Variants in STON1 observed in about 807,000 individuals in gnomAD.
STON1 encodes the protein stonin-1.
STON1 carries 79 observed loss-of-function variants against 60.9 expected under a neutral mutation model. The ratio of observed to expected loss-of-function variants is 1.30; its 90% CI spans 1.08 to 1.56. STON1 has a LOEUF of 1.56. Ranked by LOEUF, STON1 falls within the 40% of genes most tolerant of loss-of-function variation. The probability of loss-of-function intolerance (pLI) is 0.00; values close to 1 mark genes in which losing one functional copy is unlikely to be tolerated. For missense variants in STON1, 1,166 were observed against 858.9 expected (o/e 1.36, Z -4.47); for synonymous variants, 363 against 306.9 (o/e 1.18, Z -1.91).
intron 3 of STON1, among the ~76,000 whole-genome samples, 168 bp from the exon 4 acceptor site, chr2:48,595,060 G>C (rs1318571613): frequency 6.6e-6 from 1 of 152,176 alleles, no homozygotes; most frequent in Non-Finnish European, 1.5e-5. Flanking sequence ...TTCAAAAGGA[G>C]AGCAGAGCGC....
chr2:48,559,562 TG>T (rs1429876334), intron 1 of STON1, among the ~76,000 whole-genome samples: 1 of 152,234 alleles, frequency 6.6e-6, no homozygotes, highest in East Asian at 1.9e-4. Flanking sequence ...ATATGAATTT[TG>T]GGAGACATAA....
At chr2:48,532,205 G>A (rs1400323781) in intron 1 of STON1, among the ~76,000 whole-genome samples, 1 of 151,926 alleles carries the variant, frequency 6.6e-6, no homozygotes, top group Non-Finnish European at 1.5e-5. Context: ...AAAGCTAGCT[G>A]GGCCAGGTGG....
intron 1 of STON1, among the ~76,000 whole-genome samples, chr2:48,567,502 C>G (rs1362796639): frequency 1.3e-5 from 2 of 152,186 alleles, no homozygotes; most frequent in Non-Finnish European, 2.9e-5. Flanking sequence ...GTCTCCGCCT[C>G]CTGTGTTCAA....
At chr2:48,564,234 A>T (rs1219815545) in intron 1 of STON1, among the ~76,000 whole-genome samples, 1 of 152,206 alleles carries the variant, frequency 6.6e-6, no homozygotes, top group African/African-American at 2.4e-5. Flanking sequence ...ACCATAGACC[A>T]GGTGGCTTAT....
At chr2:48,554,529 T>C (rs1489527195) in intron 1 of STON1, among the ~76,000 whole-genome samples, 2 of 152,154 alleles carry the variant, frequency 1.3e-5, no homozygotes, top group Non-Finnish European at 2.9e-5. Flanking sequence ...GGCCTTTTGC[T>C]TCTTTAAATT....
At chr2:48,591,462 A>G (rs942943241) in intron 2 of STON1, among the ~76,000 whole-genome samples, 191 bp from the exon 3 acceptor site, 16 of 152,274 alleles carry the variant, frequency 1.1e-4, no homozygotes, top group Non-Finnish European at 1.8e-4. Flanking sequence ...GTACTTAAAA[A>G]TGGCAGACAG....
intron 1 of STON1, among the ~76,000 whole-genome samples, chr2:48,542,389 T>A (rs1671691011): frequency 6.6e-6 from 1 of 152,220 alleles, no homozygotes; most frequent in Non-Finnish European, 1.5e-5. Flanking sequence ...ATTAGATATG[T>A]GGCCTTTGGC....
At chr2:48,560,663 C>A (rs1032014991) in intron 1 of STON1, among the ~76,000 whole-genome samples, 1 of 152,174 alleles carries the variant, frequency 6.6e-6, no homozygotes, top group Non-Finnish European at 1.5e-5. Flanking sequence ...GCAGCCGTTG[C>A]TAGGGCTGCC....
In STON1 at chr2:48,581,933, G is replaced by T; in HGVS notation, c.1300G>T (p.Val434Phe). 6.2e-7 allele frequency: 1 copy of T among 1,614,132 alleles called. No homozygotes were observed. The highest frequency in any genetic ancestry group is 8.5e-7 in the Non-Finnish European group (1 of 1,180,026). ...TAAAGTCACAAAAGAAGGAAAATTT[G>T]TTGAAAGTGCTGTGATAACTCAAAT... The part of the protein sequence containing the change: ...WGKVTKEGKF[V>F]ESAVITQIYC... The change falls in exon 2 of 4, where the codon GTT becomes TTT. Residue 434 changes from valine to phenylalanine, a missense_variant. By Grantham distance (50) the Val-to-Phe change is conservative. Transcript: ENST00000404752.
chr2:48,590,291 G>A (rs1325524252), intron 2 of STON1, among the ~76,000 whole-genome samples: 1 of 152,140 alleles, frequency 6.6e-6, no homozygotes, highest in African/African-American at 2.4e-5. Flanking sequence ...TTAACTGATT[G>A]ATGATTTCTC....
chr2:48,554,114 A>C (rs1340720759), intron 1 of STON1, among the ~76,000 whole-genome samples: 1 of 152,176 alleles, frequency 6.6e-6, no homozygotes, highest in Non-Finnish European at 1.5e-5. Flanking sequence ...GCTGGGCTGC[A>C]TCTGTTGGGA....
chr2:48,559,631 G>C (rs1672527542), intron 1 of STON1, among the ~76,000 whole-genome samples: 1 of 152,182 alleles, frequency 6.6e-6, no homozygotes, highest in African/African-American at 2.4e-5. Flanking sequence ...AGAAGACAGA[G>C]GCTCAGGGAA....
intron 1 of STON1, among the ~76,000 whole-genome samples, chr2:48,545,882 C>G (rs1671844883): frequency 6.6e-6 from 1 of 152,198 alleles, no homozygotes; most frequent in Non-Finnish European, 1.5e-5. Context: ...GATGCTAAGG[C>G]TGACATTACT....
chr2:48,532,163 C>A (rs545433043), intron 1 of STON1, among the ~76,000 whole-genome samples: 2 of 151,886 alleles, frequency 1.3e-5, no homozygotes, highest in Non-Finnish European at 2.9e-5. Flanking sequence ...GCCTGGCCAA[C>A]CTGATGAAAC....
intron 1 of STON1, chr2:48,531,628 C>G (rs997258007): frequency 2.0e-5 from 3 of 152,290 alleles, no homozygotes; most frequent in South Asian, 2.1e-4. Flanking sequence ...CCTCTGCACA[C>G]TCACTCAGAA....
At chr2:48,567,273 A>G (rs182487950) in intron 1 of STON1, among the ~76,000 whole-genome samples, 3 of 152,210 alleles carry the variant, frequency 2.0e-5, no homozygotes, top group African/African-American at 7.2e-5. Context: ...GCCTGTGGGC[A>G]CTTCTCCCAT....
chr2:48,585,105 C>CT (rs1246854927), intron 2 of STON1, among the ~76,000 whole-genome samples: 1 of 152,156 alleles, frequency 6.6e-6, no homozygotes, highest in African/African-American at 2.4e-5. Flanking sequence ...ATAGCTCAGG[C>CT]TTAGGGCAGA....
At position 48,592,124 on chromosome 2, in the gene STON1, A is replaced by T. The variant is rs139543459; in HGVS notation, c.2133+269A>T. On this transcript the variant is annotated intron_variant, in intron 3 of 3. Transcript: ENST00000404752. ...TCTACATTTTAGAAGCATATTTATAATAAAAATTATGATGTTAGGACACCA... is the reference window on the plus strand; with the variant it reads ...TCTACATTTTAGAAGCATATTTATATTAAAAATTATGATGTTAGGACACCA... 3.7e-3 allele frequency among the ~76,000 whole-genome samples: 558 copies of T among 152,290 alleles called. 5 individuals are homozygous for T. Among genetic ancestry groups the T allele is most frequent in the African/African-American group, 0.012 (485 of 41,572 alleles).
At position 48,581,826 on chromosome 2, in the gene STON1, T is replaced by C. The variant is rs750531599; in HGVS notation, c.1193T>C (p.Met398Thr). Residue 398 changes from methionine (M) to threonine (T), a missense_variant, in exon 2 of 4, where the codon ATG becomes ACG. Coordinates refer to ENST00000404752, the MANE Select transcript of STON1 (RefSeq NM_006873.4). ...DFLTTVEEELMKLPAVSKPKK... is the reference protein window; with the variant it reads ...DFLTTVEEELTKLPAVSKPKK... Reference sequence around the variant, plus strand: ...CTGACTACTGTGGAGGAGGAGCTGATGAAGTTGCCAGCTGTTTCAAAACCA... The same window carrying C: ...CTGACTACTGTGGAGGAGGAGCTGACGAAGTTGCCAGCTGTTTCAAAACCA... The C allele has an allele frequency of 2.5e-6, 4 of 1,614,090 alleles. No individual in the cohort carries two copies. In the East Asian group the frequency reaches 8.9e-5, roughly 36 times the overall value.
Sources: gnomAD v4.1 joint callset for allele counts (sites outside exome capture counted in the v4.1 genomes callset) on GRCh38, gnomAD v4.1.1 for gene constraint, MANE v1.5 for transcripts, NCBI Gene and HGNC (gene_info 2026-07-23, HGNC 2026-07-21) for gene names.